The following NSMAF variants were observed in gnomAD, a reference collection of about 807,000 sequenced individuals.
NSMAF encodes the protein neutral sphingomyelinase activation associated factor.
Under a neutral mutation model 134.9 loss-of-function variants are expected in NSMAF, and 90 were observed. The observed-to-expected ratio is 0.67, with a 90% confidence interval of 0.56 to 0.79. The LOEUF is 0.79. Among genes scored for constraint, NSMAF ranks in the 30% least tolerant of loss-of-function variants. The pLI is 0.00. For synonymous variants in NSMAF, 358 were observed against 389.6 expected, an observed-to-expected ratio of 0.92 and a Z score of 0.96; for missense variants, 1,010 against 1,119.0, an observed-to-expected ratio of 0.90 and a Z score of 1.39.
chr8:58,603,693 T>G (rs905666658), intron 12 of NSMAF, among the ~76,000 whole-genome samples: 5 of 151,606 alleles, frequency 3.3e-5, no homozygotes, highest in African/African-American at 1.2e-4. Flanking sequence ...TAGGTAATAT[T>G]TATACAGTAA....
chr8:58,606,697 T>C (rs941572145), intron 11 of NSMAF, among the ~76,000 whole-genome samples: 2 of 152,196 alleles, frequency 1.3e-5, no homozygotes, highest in African/African-American at 4.8e-5. Flanking sequence ...AAGGCTGAGC[T>C]AGCAAAGGAA....
intron 1 of NSMAF, among the ~76,000 whole-genome samples, chr8:58,648,213 TAGGTA>T (rs1389958648): frequency 4.6e-5 from 7 of 152,122 alleles, no homozygotes; most frequent in African/African-American, 1.4e-4. Flanking sequence ...AGTAAGGACT[TAGGTA>T]GGGTATGTGG....
intron 9 of NSMAF, among the ~76,000 whole-genome samples, chr8:58,612,684 G>A (rs1585741398): frequency 6.6e-6 from 1 of 152,132 alleles, no homozygotes; most frequent in Non-Finnish European, 1.5e-5. Context: ...TCTGGGGTCT[G>A]TGCTAACTCC....
intron 5 of NSMAF, among the ~76,000 whole-genome samples, chr8:58,632,964 T>G (rs1018762940): frequency 6.6e-6 from 1 of 152,184 alleles, no homozygotes; most frequent in Admixed American, 6.5e-5. Flanking sequence ...AGAATATACC[T>G]AGACAATGAC....
chr8:58,596,836 G>A (rs1251856004), intron 21 of NSMAF, among the ~76,000 whole-genome samples: 1 of 151,822 alleles, frequency 6.6e-6, no homozygotes, highest in African/African-American at 2.4e-5. Flanking sequence ...GCTGAGGCAG[G>A]AGAACGGCGG....
At chr8:58,600,521 A>C (rs1806255375) in intron 16 of NSMAF, among the ~76,000 whole-genome samples, 1 of 149,704 alleles carries the variant, frequency 6.7e-6, no homozygotes, top group Non-Finnish European at 1.5e-5. Flanking sequence ...TACTCAGGAG[A>C]CTGAAGCAGG....
chr8:58,614,607 C>T (rs1806613971), intron 9 of NSMAF, among the ~76,000 whole-genome samples: 1 of 152,228 alleles, frequency 6.6e-6, no homozygotes, highest in Admixed American at 6.5e-5. Context: ...CCTGCTTTCA[C>T]ACCACTGTAA....
chr8:58,600,064 T>G, intron 16 of NSMAF, 43 bp from the exon 17 acceptor site: 1 of 1,441,014 alleles, frequency 6.9e-7, no homozygotes, highest in Non-Finnish European at 9.7e-7. Context: ...GCTAAGGAAA[T>G]AGCAATAGCA....
intron 12 of NSMAF, 33 bp from the exon 13 acceptor site, chr8:58,603,419 T>G (rs1276543494): frequency 1.2e-6 from 2 of 1,607,750 alleles, no homozygotes; most frequent in East Asian, 2.2e-5. Flanking sequence ...GTCTGCCACT[T>G]AACTTCGCAA....
intron 5 of NSMAF, among the ~76,000 whole-genome samples, chr8:58,633,625 C>T (rs1463390046): frequency 6.6e-6 from 1 of 152,122 alleles, no homozygotes; most frequent in Non-Finnish European, 1.5e-5. Context: ...TGCCAGAGCC[C>T]TGAATATAAT....
intron 1 of NSMAF, among the ~76,000 whole-genome samples, chr8:58,656,121 C>T (rs147493861): frequency 2.0e-5 from 3 of 151,662 alleles, no homozygotes; most frequent in African/African-American, 7.3e-5. Context: ...CAGGTTCAAG[C>T]AATTCTCCTG....
Position 58,659,750 on chromosome 8 carries a change from C to T in NSMAF, c.-119G>A, listed in dbSNP as rs978666149. The T allele has an allele frequency of 1.4e-5, 11 of 769,194 alleles. No individual in the cohort carries two copies. The East Asian group carries it at 3.4e-4, about 24-fold the overall frequency. 47.6% of individuals were successfully genotyped at this position (769,194 alleles called of 1,614,324 possible). On this transcript the variant is annotated 5_prime_UTR_variant, in exon 1 of 31. Transcript: ENST00000038176. ...GGCCGGCTGGGGAGCGCGCGGCTGC[C>T]GGCCTGGCTTCCCCTGCGGCGCCGC...
chr8:58,658,664 G>GC (rs1036610307), intron 1 of NSMAF, among the ~76,000 whole-genome samples: 44 of 152,266 alleles, frequency 2.9e-4, no homozygotes, highest in Non-Finnish European at 4.7e-4. Flanking sequence ...AAATGATTCA[G>GC]CCCCCCTTTC....
chr8:58,601,265 G>T lies in NSMAF; in HGVS notation c.1280+20C>A. 2 of 1,595,198 alleles carry T rather than the reference G, an allele frequency of 1.3e-6. No homozygotes were observed. The highest frequency in any genetic ancestry group is 8.6e-7 in the Non-Finnish European group (1 of 1,162,798). ...AATCAGAAAGTGTTAAAAATGATAAGCAAGGCATTTGTATCAAACCTGTTG... is the reference window on the plus strand; with the variant it reads ...AATCAGAAAGTGTTAAAAATGATAATCAAGGCATTTGTATCAAACCTGTTG... On this transcript the variant is annotated intron_variant, in intron 16 of 30. Transcript: ENST00000038176.
intron 26 of NSMAF, among the ~76,000 whole-genome samples, chr8:58,587,963 T>C (rs1563522215): frequency 6.6e-6 from 1 of 152,164 alleles, no homozygotes; most frequent in Non-Finnish European, 1.5e-5. Context: ...GTATGTGAAC[T>C]AAGGAAATAT....
rs1461925116 is a variant in NSMAF, at chr8:58,601,276, G to T, written c.1280+9C>A. On this transcript the variant is annotated intron_variant, in intron 16 of 30. Coordinates refer to ENST00000038176, the MANE Select transcript of NSMAF (RefSeq NM_003580.4). The stretch of plus-strand genomic sequence containing the variant: ...GTTAAAAATGATAAGCAAGGCATTT[G>T]TATCAAACCTGTTGAACATTCTATC... The T allele has an allele frequency of 1.9e-6, 3 of 1,607,948 alleles. No individual in the cohort carries two copies. The highest frequency in any genetic ancestry group is 1.7e-6 in the Non-Finnish European group (2 of 1,174,454).
At chr8:58,646,795 T>C (rs1200109088) in intron 1 of NSMAF, among the ~76,000 whole-genome samples, 2 of 152,226 alleles carry the variant, frequency 1.3e-5, no homozygotes, top group Non-Finnish European at 2.9e-5. Flanking sequence ...TCCTTTGGTA[T>C]TGTATCTGAC....
intron 6 of NSMAF, 96 bp from the exon 7 acceptor site, chr8:58,623,876 A>T: frequency 1.1e-6 from 1 of 950,780 alleles, no homozygotes; most frequent in South Asian, 1.5e-5. Flanking sequence ...GCTATGATAA[A>T]ATCTGCATGT....
Position 58,635,349 on chromosome 8 carries a change from T to A in NSMAF, c.252A>T (p.Lys84Asn). The change falls in exon 4 of 31, where the codon AAA becomes AAT. Residue 84 changes from lysine to asparagine, a missense_variant. Lys to Asn is a moderately conservative substitution (Grantham distance 94). Coordinates refer to ENST00000038176, the MANE Select transcript of NSMAF (RefSeq NM_003580.4). ...CTCCATTTTCTCCATGCTTTCCTAT[T>A]TTTATACAGTCTCTCAAAGGAATCT... The part of the protein sequence containing the change: ...IIKIPLRDCI[K>N]IGKHGENGAN... 1.2e-6 allele frequency: 2 copies of A among 1,608,214 alleles called. No individual in the cohort carries two copies. The highest frequency in any genetic ancestry group is 1.7e-6 in the Non-Finnish European group (2 of 1,178,082).
Sources: allele counts gnomAD v4.1 joint callset (sites outside exome capture counted in the v4.1 genomes callset), GRCh38; gene constraint gnomAD v4.1.1; transcripts MANE v1.5; gene names NCBI Gene and HGNC (gene_info 2026-07-23, HGNC 2026-07-21).